GPC5: variants seen among roughly 807,000 people sequenced by gnomAD.
GPC5 encodes glypican 5, also known as glypican-5.
GPC5 carries 47 observed loss-of-function variants against 53.9 expected under a neutral mutation model. The ratio of observed to expected loss-of-function variants is 0.87; its 90% CI spans 0.69 to 1.11. GPC5 has a LOEUF of 1.11. Ranked by LOEUF, GPC5 falls within the 50% of genes most tolerant of loss-of-function variation. The pLI, the probability that GPC5 is intolerant of heterozygous loss-of-function variation, is 0.00. For missense variants in GPC5, 748 were observed against 713.1 expected (o/e 1.05, Z -0.56); for synonymous variants, 286 against 263.3 (o/e 1.09, Z -0.84).
intron 6 of GPC5, among the ~76,000 whole-genome samples, chr13:92,054,350 T>C (rs969534881): frequency 6.6e-5 from 10 of 152,182 alleles, no homozygotes; most frequent in African/African-American, 2.4e-4. Context: ...TCTCTGAAAC[T>C]CTCACTTCTT....
intron 7 of GPC5, among the ~76,000 whole-genome samples, chr13:92,818,901 GTT>G (rs1877580010): frequency 6.6e-6 from 1 of 151,952 alleles, no homozygotes; most frequent in Non-Finnish European, 1.5e-5. Context: ...ACTGTAGACA[GTT>G]CACATAGTGA....
intron 7 of GPC5, among the ~76,000 whole-genome samples, chr13:92,210,106 T>C (rs1480099618): frequency 6.6e-6 from 1 of 152,096 alleles, no homozygotes; most frequent in Non-Finnish European, 1.5e-5. Context: ...CTGACTCAAA[T>C]GTTAATCTCC....
intron 6 of GPC5, among the ~76,000 whole-genome samples, chr13:91,925,535 G>T (rs775079805): frequency 4.6e-5 from 7 of 152,170 alleles, no homozygotes; most frequent in Non-Finnish European, 7.3e-5. Context: ...GAGGGGATCA[G>T]CTGGAGTGAA....
chr13:92,747,579 T>C (rs1215296472), intron 7 of GPC5, among the ~76,000 whole-genome samples: 3 of 152,308 alleles, frequency 2.0e-5, no homozygotes, highest in East Asian at 1.9e-4. Context: ...ATGGATTGTA[T>C]TGATCATATA....
intron 7 of GPC5, among the ~76,000 whole-genome samples, chr13:92,274,692 G>T (rs2042863177): frequency 6.6e-6 from 1 of 152,108 alleles, no homozygotes; most frequent in Non-Finnish European, 1.5e-5. Flanking sequence ...TCACACCATT[G>T]TCAATAGCAC....
chr13:92,197,879 C>T lies in GPC5; in HGVS notation c.1561+52890C>T, dbSNP rs77246025. Among the ~76,000 whole-genome samples, 1,204 of 151,974 alleles carry T rather than the reference C, an allele frequency of 7.9e-3. 23 individuals are homozygous for T. Among genetic ancestry groups the T allele is most frequent in the African/African-American group, 0.027 (1,127 of 41,444 alleles). ...CTTCCCAAACAACTCCGTATGATACCCTACTTCCACCTCTACCACTCTGAG... is the reference window on the plus strand; with the variant it reads ...CTTCCCAAACAACTCCGTATGATACTCTACTTCCACCTCTACCACTCTGAG... On this transcript the variant is annotated intron_variant, in intron 7 of 7. Coordinates refer to ENST00000377067, the MANE Select transcript of GPC5 (RefSeq NM_004466.6).
intron 6 of GPC5, among the ~76,000 whole-genome samples, chr13:92,047,530 T>G: frequency 6.6e-6 from 1 of 151,574 alleles, no homozygotes; most frequent in Non-Finnish European, 1.5e-5. Flanking sequence ...TTATCATTAT[T>G]ATTATTATCA....
intron 7 of GPC5, among the ~76,000 whole-genome samples, chr13:92,426,533 A>G (rs1328075569): frequency 6.6e-6 from 1 of 152,128 alleles, no homozygotes; most frequent in East Asian, 1.9e-4. Context: ...TGTCAAGGAT[A>G]AGACTTATGA....
intron 7 of GPC5, among the ~76,000 whole-genome samples, chr13:92,408,057 G>A (rs991039918): frequency 3.9e-5 from 6 of 152,144 alleles, no homozygotes; most frequent in African/African-American, 9.7e-5. Flanking sequence ...TGTCTGCACC[G>A]CAGGAGGTAA....
At chr13:92,412,921 T>G (rs1361742384) in intron 7 of GPC5, among the ~76,000 whole-genome samples, 1 of 152,202 alleles carries the variant, frequency 6.6e-6, no homozygotes, top group Admixed American at 6.5e-5. Flanking sequence ...AATATAAAGA[T>G]AGCCTGTCAA....
chr13:92,131,955 T>C (rs1409023636), intron 6 of GPC5, among the ~76,000 whole-genome samples: 1 of 152,118 alleles, frequency 6.6e-6, no homozygotes, highest in Non-Finnish European at 1.5e-5. Context: ...GGGAATTTTT[T>C]ACACCAAAAG....
At chr13:92,672,078 C>T (rs1186056134) in intron 7 of GPC5, among the ~76,000 whole-genome samples, 1 of 152,050 alleles carries the variant, frequency 6.6e-6, no homozygotes, top group Non-Finnish European at 1.5e-5. Context: ...GGAAGGAAGC[C>T]AGGAATAGTT....
intron 6 of GPC5, among the ~76,000 whole-genome samples, chr13:92,002,532 T>C (rs1242984237): frequency 6.6e-6 from 1 of 152,118 alleles, no homozygotes; most frequent in East Asian, 1.9e-4. Context: ...TTGTTGGATG[T>C]TGTGGAGGGA....
chr13:92,385,275 T>A (rs2043782791), intron 7 of GPC5, among the ~76,000 whole-genome samples: 1 of 149,094 alleles, frequency 6.7e-6, no homozygotes, highest in Non-Finnish European at 1.5e-5. Context: ...TCCAGTGGAC[T>A]GTTTATGCAG....
At chr13:92,533,993 A>C (rs1417332476) in intron 7 of GPC5, among the ~76,000 whole-genome samples, 1 of 152,166 alleles carries the variant, frequency 6.6e-6, no homozygotes, top group Non-Finnish European at 1.5e-5. Context: ...CTGATACTAA[A>C]TGACAGAAAG....
intron 7 of GPC5, among the ~76,000 whole-genome samples, chr13:92,719,230 T>C (rs1000224836): frequency 6.6e-6 from 1 of 150,862 alleles, no homozygotes; most frequent in African/African-American, 2.4e-5. Flanking sequence ...GATTCCCAGG[T>C]TATTTCTCAA....
chr13:91,436,109 C>A (rs1464712499), intron 1 of GPC5, among the ~76,000 whole-genome samples: 1 of 152,096 alleles, frequency 6.6e-6, no homozygotes, highest in Admixed American at 6.6e-5. Flanking sequence ...AGCAGTCTAT[C>A]AATTTTGTTG....
intron 7 of GPC5, among the ~76,000 whole-genome samples, chr13:92,826,701 A>C (rs986219214): frequency 6.6e-6 from 1 of 152,146 alleles, no homozygotes; most frequent in Non-Finnish European, 1.5e-5. Context: ...TACAATTCCT[A>C]GATTCTAACA....
intron 7 of GPC5, among the ~76,000 whole-genome samples, chr13:92,252,921 GA>G (rs2042702154): frequency 6.6e-6 from 1 of 152,030 alleles, no homozygotes; most frequent in Admixed American, 6.6e-5. Flanking sequence ...TTTAGCTTAA[GA>G]GTCTAACATA....
Sources: gnomAD v4.1 joint callset for allele counts (sites outside exome capture counted in the v4.1 genomes callset) on GRCh38, gnomAD v4.1.1 for gene constraint, MANE v1.5 for transcripts, NCBI Gene and HGNC (gene_info 2026-07-23, HGNC 2026-07-21) for gene names.